The following ANKRD18B variants were observed in gnomAD, a reference collection of about 807,000 sequenced individuals.
ANKRD18B encodes the protein ankyrin repeat domain-containing protein 18B.
Under a neutral mutation model 111.8 loss-of-function variants are expected in ANKRD18B, and 75 were observed. That is an observed-to-expected ratio of 0.67 (90% CI 0.56 to 0.81). The LOEUF is 0.81. ANKRD18B is among the 40% of genes least tolerant of loss of function. The pLI, the probability that ANKRD18B is intolerant of heterozygous loss-of-function variation, is 0.00. For missense variants in ANKRD18B, 1,038 were observed against 1,225.5 expected, an observed-to-expected ratio of 0.85 and a Z score of 2.28; for synonymous variants, 356 against 417.3, an observed-to-expected ratio of 0.85 and a Z score of 1.79.
At chr9:33,567,528 G>A (rs1446219398) in intron 16 of ANKRD18B, among the ~76,000 whole-genome samples, 1 of 150,288 alleles carries the variant, frequency 6.7e-6, no homozygotes, top group Non-Finnish European at 1.5e-5. Flanking sequence ...CTTTTGTGTG[G>A]CTTTTTTCCC....
downstream of ANKRD18B, among the ~76,000 whole-genome samples, chr9:33,573,762 C>T (rs1186727304): frequency 1.4e-5 from 2 of 144,970 alleles, no homozygotes; most frequent in African/African-American, 2.4e-5. Flanking sequence ...TCAAGGGCCT[C>T]ATCAGTGGAC....
rs1333975000 is a variant in ANKRD18B at position 33,555,795 on chromosome 9, C to T, written c.2305C>T (p.Arg769Cys). 9.3e-6 allele frequency: 13 copies of T among 1,391,972 alleles called. No homozygotes were observed. The highest frequency in any genetic ancestry group is 3.3e-5 in the Admixed American group (1 of 30,160). The allele number at this position is 1,391,972 out of a possible 1,614,324, so 86.2% of individuals were successfully genotyped here. A position where few individuals can be genotyped will look rare whatever the true frequency, so the allele number is the denominator to read the frequency against. Reference sequence around the variant, plus strand: ...TGCGGATCAAATAAGAAAGAAAAATCGTGAATTAGAAGAAGAGGCAACTGG... The same window carrying T: ...TGCGGATCAAATAAGAAAGAAAAATTGTGAATTAGAAGAAGAGGCAACTGG... Reference protein sequence around the residue: ...YTADQIRKKNRELEEEATGYK... With the variant: ...YTADQIRKKNCELEEEATGYK... The change falls in exon 13 of 19, where the codon CGT (arginine) becomes TGT (cysteine). Residue 769 changes from arginine to cysteine, a missense_variant. By Grantham distance (180) the Arg-to-Cys change is radical (BLOSUM62 -3). This residue lies in a region of ANKRD18B where 524 missense variants were observed against 677.9 expected (regional missense o/e 0.77). Coordinates refer to ENST00000684830, the MANE Select transcript of ANKRD18B (RefSeq NM_001393611.1).
chr9:33,548,803 A>C lies in ANKRD18B; in HGVS notation c.2015A>C (p.Asn672Thr). The change falls in exon 11 of 19, where the codon AAT (asparagine) becomes ACT (threonine). Residue 672 changes from asparagine to threonine, a missense_variant. This residue lies in a region of ANKRD18B where 524 missense variants were observed against 677.9 expected (regional missense o/e 0.77). Coordinates refer to ENST00000684830, the MANE Select transcript of ANKRD18B (RefSeq NM_001393611.1). ...ERNKELMNEY[N>T]YLKEKLLQYE... ...AATAAGGAATTAATGAATGAATATA[A>C]TTATTTAAAAGAAAAACTGCTTCAG... The C allele has an allele frequency of 1.3e-6, 2 of 1,519,354 alleles. No individual in the cohort carries two copies. The highest frequency in any genetic ancestry group is 1.8e-6 in the Non-Finnish European group (2 of 1,134,970). 94.1% of individuals were successfully genotyped at this position (1,519,354 alleles called of 1,614,324 possible). A position where few individuals can be genotyped will look rare whatever the true frequency, so the allele number is the denominator to read the frequency against.
At chr9:33,556,983 T>TA (rs985133629) in intron 13 of ANKRD18B, among the ~76,000 whole-genome samples, 2 of 152,078 alleles carry the variant, frequency 1.3e-5, no homozygotes, top group Non-Finnish European at 2.9e-5. Flanking sequence ...AGACTTTTTT[T>TA]AAAAAAATGG....
intron 14 of ANKRD18B, among the ~76,000 whole-genome samples, chr9:33,565,406 A>G (rs1466062582): frequency 6.6e-6 from 1 of 152,246 alleles, no homozygotes; most frequent in East Asian, 1.9e-4. Context: ...TCAAATTAGC[A>G]TGAAACATTT....
chr9:33,536,867 A>G lies in ANKRD18B; in HGVS notation c.741-11A>G, dbSNP rs946481190. ...TTAAAATACTAATTTTATTACATTT[A>G]TTATGCATAGCATCCAACAACAAAT... On this transcript the variant is annotated splice_polypyrimidine_tract_variant and intron_variant, in intron 5 of 18. Coordinates refer to ENST00000684830, the MANE Select transcript of ANKRD18B (RefSeq NM_001393611.1). 1 of 1,409,644 alleles carries G rather than the reference A, an allele frequency of 7.1e-7. No homozygotes were observed. Among genetic ancestry groups the G allele is most frequent in the Non-Finnish European group, 9.5e-7 (1 of 1,050,354 alleles). The allele number at this position is 1,409,644 out of a possible 1,614,324, so 87.3% of individuals were successfully genotyped here.
intron 12 of ANKRD18B, among the ~76,000 whole-genome samples, chr9:33,554,511 G>C (rs1828494096): frequency 6.6e-6 from 1 of 152,194 alleles, no homozygotes; most frequent in African/African-American, 2.4e-5. Flanking sequence ...AATTTAAAAA[G>C]AGGAGTAGCA....
chr9:33,538,670 A>T (rs1828235458), intron 6 of ANKRD18B, among the ~76,000 whole-genome samples: 1 of 151,998 alleles, frequency 6.6e-6, no homozygotes. Context: ...CAGGAGGTGG[A>T]GATTGCAGTG....
chr9:33,566,341 A>G lies in ANKRD18B; in HGVS notation c.2583A>G (p.Lys861=). The change falls in exon 15 of 19, where the codon AAA becomes AAG. Residue 861 remains lysine, a synonymous_variant. Transcript: ENST00000684830. ...SMGKVQEKCE[K]LEKDKKMLEE... ...GAAAAGTACAAGAGAAATGTGAAAA[A>G]CTTGAGAAGGATAAAAAGATGTTGG... 6.4e-7 allele frequency: 1 copy of G among 1,567,852 alleles called. No individual in the cohort carries two copies. Among genetic ancestry groups the G allele is most frequent in the Non-Finnish European group, 8.7e-7 (1 of 1,153,208 alleles).
In ANKRD18B at chr9:33,565,489, T is replaced by A. The variant is rs192449146; in HGVS notation, c.2461-730T>A. 2.7e-3 allele frequency among the ~76,000 whole-genome samples: 417 copies of A among 152,318 alleles called. 1 individual carries two copies. Among genetic ancestry groups the A allele is most frequent in the Non-Finnish European group, 4.0e-3 (273 of 68,032 alleles). Reference sequence around the variant, plus strand: ...TCATTATTTTGTGTTTTTTGAGATATGGTCTTTGTCTATCATCCAGGCAGA... The same window carrying A: ...TCATTATTTTGTGTTTTTTGAGATAAGGTCTTTGTCTATCATCCAGGCAGA... On this transcript the variant is annotated intron_variant, in intron 14 of 18. Coordinates refer to ENST00000684830, the MANE Select transcript of ANKRD18B (RefSeq NM_001393611.1).
intron 18 of ANKRD18B, chr9:33,571,625 G>A (rs1828777667): frequency 6.5e-6 from 1 of 154,064 alleles, no homozygotes; most frequent in African/African-American, 2.4e-5. Flanking sequence ...GCATCAATTG[G>A]CTTACATCTG....
intron 6 of ANKRD18B, among the ~76,000 whole-genome samples, chr9:33,538,475 A>G (rs1452910129): frequency 6.6e-6 from 1 of 152,196 alleles, no homozygotes; most frequent in African/African-American, 2.4e-5. Context: ...CTGGTGGCTC[A>G]TGTGTAATCC....
At chr9:33,565,377 T>G (rs1265027159) in intron 14 of ANKRD18B, among the ~76,000 whole-genome samples, 1 of 152,198 alleles carries the variant, frequency 6.6e-6, no homozygotes, top group African/African-American at 2.4e-5. Flanking sequence ...CCAAGAATCA[T>G]TACTTCTTAA....
intron 5 of ANKRD18B, among the ~76,000 whole-genome samples, chr9:33,535,819 A>G (rs1828192665): frequency 6.9e-6 from 1 of 145,026 alleles, no homozygotes; most frequent in Non-Finnish European, 1.5e-5. Flanking sequence ...TAATCTATAT[A>G]TTATATATAG....
chr9:33,526,491 C>A (rs1296089107), intron 1 of ANKRD18B, among the ~76,000 whole-genome samples: 1 of 152,092 alleles, frequency 6.6e-6, no homozygotes. Flanking sequence ...AACTTCTGAG[C>A]ATTTGTATTT....
chr9:33,557,103 T>C (rs1033122351), intron 13 of ANKRD18B, among the ~76,000 whole-genome samples: 6 of 152,196 alleles, frequency 3.9e-5, no homozygotes, highest in Non-Finnish European at 2.9e-5. Flanking sequence ...TTTCTCTACA[T>C]GGTTTTGTAT....
chr9:33,567,042 A>G, intron 15 of ANKRD18B, 61 bp from the exon 16 acceptor site: 1 of 1,461,774 alleles, frequency 6.8e-7, no homozygotes, highest in South Asian at 1.4e-5. Flanking sequence ...ATGAAAGGCA[A>G]CAAACATATG....
intron 17 of ANKRD18B, among the ~76,000 whole-genome samples, chr9:33,569,961 G>A (rs1253699167): frequency 1.3e-5 from 2 of 152,132 alleles, no homozygotes; most frequent in African/African-American, 4.8e-5. Flanking sequence ...ATACCTAAAG[G>A]AAAATAAATC....
intron 9 of ANKRD18B, 47 bp from the exon 10 acceptor site, chr9:33,543,138 A>G (rs1205438302): frequency 1.2e-5 from 17 of 1,447,652 alleles, no homozygotes; most frequent in Non-Finnish European, 1.5e-5. Flanking sequence ...TAAAGATTAT[A>G]GTTTTTAAGT....
Sources: allele counts gnomAD v4.1 joint callset (sites outside exome capture counted in the v4.1 genomes callset), GRCh38; gene constraint gnomAD v4.1.1; regional missense constraint gnomAD v4.1.1; transcripts MANE v1.5; gene names NCBI Gene and HGNC (gene_info 2026-07-23, HGNC 2026-07-21).